Variants in EPHA7 observed in about 807,000 individuals in gnomAD.
The protein encoded by EPHA7 is EPH receptor A7, also known as ephrin type-A receptor 7.
Under a neutral mutation model 112.6 loss-of-function variants are expected in EPHA7, and 25 were observed. That is an observed-to-expected ratio of 0.22 (90% confidence interval 0.16 to 0.31). The LOEUF is 0.31. Among genes scored for constraint, EPHA7 ranks in the 10% least tolerant of loss-of-function variants. The pLI, the probability that EPHA7 is intolerant of heterozygous loss-of-function variation, is 1.00. For missense variants in EPHA7, 962 were observed against 1,212.6 expected (o/e 0.79, Z 3.07); for synonymous variants, 437 against 406.5 (o/e 1.07, Z -0.90).
chr6:93,380,309 T>A (rs1777272020), intron 3 of EPHA7, among the ~76,000 whole-genome samples: 1 of 152,084 alleles, frequency 6.6e-6, no homozygotes, highest in South Asian at 2.1e-4. Context: ...GTTAAAGGCA[T>A]GAAATGTGAA....
intron 5 of EPHA7, among the ~76,000 whole-genome samples, chr6:93,340,160 T>C (rs539524336): frequency 7.1e-4 from 108 of 151,884 alleles, no homozygotes; most frequent in African/African-American, 2.4e-3. Context: ...AAAATATGAA[T>C]TCATATATAT....
chr6:93,243,491 T>G lies in EPHA7; in HGVS notation c.2932A>C (p.Met978Leu). 1 of 1,613,662 alleles carries G rather than the reference T, an allele frequency of 6.2e-7. No homozygotes were observed. The change falls in exon 17 of 17, where the codon ATG becomes CTG. Residue 978 changes from methionine (M) to leucine (L), a missense_variant. This residue lies in a region of EPHA7 where 746 missense variants were observed against 889.2 expected (regional missense o/e 0.84). Transcript: ENST00000369303. ...GCTCTCATAGTCTGAATGCTGCTCATGATTTTCTTTTGATGACCAACCAGT... is the reference window on the plus strand; with the variant it reads ...GCTCTCATAGTCTGAATGCTGCTCAGGATTTTCTTTTGATGACCAACCAGT... The part of the protein sequence containing the change: ...ITLVGHQKKI[M>L]SSIQTMRAQM...
rs1191542972 is a variant in EPHA7, at chr6:93,275,764, T to G, written c.1325-3342A>C. 4.6e-5 allele frequency among the ~76,000 whole-genome samples: 7 copies of G among 152,100 alleles called. No homozygotes were observed. The East Asian group carries it at 1.4e-3, about 29-fold the overall frequency. ...GGAATGGGTTTGTTAGTATAAGGCT[T>G]TAAATTGAAAAATAATCAGTAACAA... On this transcript the variant is annotated intron_variant, in intron 5 of 16. Transcript: ENST00000369303.
At chr6:93,306,747 T>A (rs1312622848) in intron 5 of EPHA7, among the ~76,000 whole-genome samples, 2 of 151,944 alleles carry the variant, frequency 1.3e-5, no homozygotes, top group Non-Finnish European at 2.9e-5. Flanking sequence ...ATAATCAAAT[T>A]AACTTTCCAA....
At chr6:93,280,147 A>C (rs1210953438) in intron 5 of EPHA7, among the ~76,000 whole-genome samples, 2 of 152,200 alleles carry the variant, frequency 1.3e-5, no homozygotes, top group Non-Finnish European at 2.9e-5. Flanking sequence ...GCTCACAAAC[A>C]ATCTAAATGC....
At position 93,410,949 on chromosome 6, in the gene EPHA7, A is replaced by G. The variant is rs1778947737; in HGVS notation, c.384T>C (p.Tyr128=). The part of the protein sequence containing the change: ...TCKETFNLYY[Y]ETDYDTGRNI... ...TCCTGCCAGTGTCATAGTCTGTTTC[A>G]TAATAGTACAAATTAAATGTTTCCT... Residue 128 remains tyrosine (Y), a synonymous_variant, in exon 3 of 17, where the codon TAT becomes TAC. Coordinates refer to ENST00000369303, the MANE Select transcript of EPHA7 (RefSeq NM_004440.4). This position sits in a 1 kb window ranked among gnomAD's most constrained non-coding sequence, Gnocchi z 4.0. The G allele has an allele frequency of 6.2e-7, 1 of 1,614,032 alleles. No homozygotes were observed. The highest frequency in any genetic ancestry group is 8.5e-7 in the Non-Finnish European group (1 of 1,179,958).
At chr6:93,268,627 A>T (rs1200434746) in intron 7 of EPHA7, among the ~76,000 whole-genome samples, 1 of 151,672 alleles carries the variant, frequency 6.6e-6, no homozygotes, top group East Asian at 1.9e-4. Context: ...CAAAATATAG[A>T]AACATGTACT....
chr6:93,298,669 T>A (rs1341027660), intron 5 of EPHA7, among the ~76,000 whole-genome samples: 1 of 152,124 alleles, frequency 6.6e-6, no homozygotes, highest in Admixed American at 6.5e-5. Flanking sequence ...CCTTTTTAAA[T>A]GAGAAATTAT....
chr6:93,363,808 C>A (rs1045060487), intron 3 of EPHA7, among the ~76,000 whole-genome samples: 2 of 152,076 alleles, frequency 1.3e-5, no homozygotes, highest in African/African-American at 4.8e-5. Context: ...AAAGTGGAAA[C>A]AACCTAATGT....
chr6:93,292,334 C>G (rs1772421622), intron 5 of EPHA7, among the ~76,000 whole-genome samples: 1 of 152,186 alleles, frequency 6.6e-6, no homozygotes, highest in African/African-American at 2.4e-5. Context: ...ATTCACATCT[C>G]TACTTTCAAT....
At chr6:93,359,841 G>A (rs933677154) in intron 3 of EPHA7, among the ~76,000 whole-genome samples, 1 of 128,548 alleles carries the variant, frequency 7.8e-6, no homozygotes, top group East Asian at 2.2e-4. Flanking sequence ...TAGATCCATC[G>A]ATCAATAGAT....
chr6:93,327,012 G>A (rs9294570), intron 5 of EPHA7, among the ~76,000 whole-genome samples: 26,513 of 151,394 alleles, frequency 0.18, 2,737 homozygotes, highest in East Asian at 0.34. Context: ...TTTGTATGAC[G>A]GTTAATCTGT....
chr6:93,251,052 C>T (rs1028548396), intron 14 of EPHA7, among the ~76,000 whole-genome samples: 1 of 152,044 alleles, frequency 6.6e-6, no homozygotes, highest in African/African-American at 2.4e-5. Flanking sequence ...TGGCATATGA[C>T]ATGATTGGCT....
At chr6:93,258,317 T>C in intron 10 of EPHA7, 33 bp from the exon 11 acceptor site, 1 of 1,500,756 alleles carries the variant, frequency 6.7e-7, no homozygotes, top group Non-Finnish European at 8.9e-7. Context: ...CATATTTTAG[T>C]TTCTAAATAT....
intron 1 of EPHA7, among the ~76,000 whole-genome samples, chr6:93,418,913 G>A (rs1232949503): frequency 1.3e-5 from 2 of 152,172 alleles, no homozygotes; most frequent in African/African-American, 2.4e-5. Flanking sequence ...GATGTGACCC[G>A]CCTGAGGTAC....
chr6:93,247,469 C>T (rs997113872), intron 14 of EPHA7, among the ~76,000 whole-genome samples: 1 of 152,102 alleles, frequency 6.6e-6, no homozygotes, highest in Non-Finnish European at 1.5e-5. Flanking sequence ...GCACATGAGT[C>T]TTTTAAATAA....
intron 3 of EPHA7, among the ~76,000 whole-genome samples, chr6:93,381,386 A>G (rs1777326901): frequency 6.6e-6 from 1 of 152,202 alleles, no homozygotes; most frequent in African/African-American, 2.4e-5. Flanking sequence ...ATATCCCTCT[A>G]AAAGATCATA....
intron 8 of EPHA7, among the ~76,000 whole-genome samples, chr6:93,264,174 C>A (rs996321083): frequency 1.3e-5 from 2 of 151,460 alleles, no homozygotes; most frequent in African/African-American, 4.8e-5. Flanking sequence ...TTTGAATCCA[C>A]AAGGTTCAAT....
chr6:93,412,992 G>T (rs896540740), intron 2 of EPHA7, among the ~76,000 whole-genome samples: 8 of 151,940 alleles, frequency 5.3e-5, no homozygotes, highest in African/African-American at 1.7e-4. Context: ...CTATGATGTA[G>T]ACTACAAACA....
Sources: gnomAD v4.1 joint callset for allele counts (sites outside exome capture counted in the v4.1 genomes callset) on GRCh38, gnomAD v4.1.1 for gene constraint, gnomAD v4.1.1 regional missense constraint, Gnocchi (gnomAD v3.1) non-coding constraint, MANE v1.5 for transcripts, NCBI Gene and HGNC (gene_info 2026-07-23, HGNC 2026-07-21) for gene names.